ANKRA2: variants seen among roughly 807,000 people sequenced by gnomAD.
The protein encoded by ANKRA2 is ankyrin repeat family A member 2, also known as ankyrin repeat family A protein 2.
Under a neutral mutation model 37.8 loss-of-function variants are expected in ANKRA2, and 33 were observed. The ratio of observed to expected loss-of-function variants is 0.87; its 90% CI spans 0.66 to 1.17. ANKRA2 has a LOEUF of 1.17. ANKRA2 is among the 50% of genes most tolerant of loss of function. The probability of loss-of-function intolerance (pLI) is 0.00; values close to 1 mark genes in which losing one functional copy is unlikely to be tolerated. For missense variants in ANKRA2, 326 were observed against 373.7 expected, an observed-to-expected ratio of 0.87 and a Z score of 1.05; for synonymous variants, 126 against 132.3, an observed-to-expected ratio of 0.95 and a Z score of 0.33.
At chr5:73,564,262 T>A (rs1747647606) in intron 1 of ANKRA2, among the ~76,000 whole-genome samples, 1 of 152,234 alleles carries the variant, frequency 6.6e-6, no homozygotes, top group Non-Finnish European at 1.5e-5. Flanking sequence ...ATGTGAACTG[T>A]GTTTCCTGAG....
chr5:73,555,198 A>G, intron 5 of ANKRA2: 1 of 1,376,676 alleles, frequency 7.3e-7, no homozygotes, highest in East Asian at 2.6e-5. Flanking sequence ...TTATCCTTTC[A>G]CTCTGGAGTC....
Position 73,552,596 on chromosome 5 carries a change from T to C in ANKRA2, c.*201A>G. On this transcript the variant is annotated 3_prime_UTR_variant, in exon 9 of 9. Transcript: ENST00000296785. ...TGCCACGAAAACATTAATTTATAAT[T>C]TTAAATATACAGTAAAACATAGTTA... 1 of 465,160 alleles carries C rather than the reference T, an allele frequency of 2.1e-6. No individual in the cohort carries two copies. Among genetic ancestry groups the C allele is most frequent in the Non-Finnish European group, 3.7e-6 (1 of 266,964 alleles). The allele number at this position is 465,160 out of a possible 1,614,324, so 28.8% of individuals were successfully genotyped here. A position where few individuals can be genotyped will look rare whatever the true frequency, so the allele number is the denominator to read the frequency against.
chr5:73,553,521 G>A (rs747882933), intron 7 of ANKRA2, 35 bp from the exon 8 acceptor site: 2 of 1,515,824 alleles, frequency 1.3e-6, no homozygotes, highest in Non-Finnish European at 9.1e-7. Flanking sequence ...TAAATGAAAT[G>A]AAAATGCAGA....
At chr5:73,560,536 A>AT (rs1286120418) in intron 3 of ANKRA2, among the ~76,000 whole-genome samples, 3 of 151,472 alleles carry the variant, frequency 2.0e-5, no homozygotes, top group Non-Finnish European at 4.4e-5. Flanking sequence ...ATTTTTTGAA[A>AT]TTTTTTTATT....
chr5:73,562,798 TGGC>T lies in ANKRA2; in HGVS notation c.81_83del (p.Met27_Pro28delinsIle). The T allele has an allele frequency of 5.6e-6, 9 of 1,614,208 alleles. No homozygotes were observed. The highest frequency in any genetic ancestry group is 7.6e-6 in the Non-Finnish European group (9 of 1,180,030). On this transcript the variant is annotated inframe_deletion, in exon 2 of 9. Transcript: ENST00000296785. ...CCAGTGGATGTTCTATTTTAATGTCTGGCATGCCAGTTAGGCTATAAGTGCTGG... is the reference window on the plus strand; with the variant it reads ...CCAGTGGATGTTCTATTTTAATGTCTATGCCAGTTAGGCTATAAGTGCTGG...
intron 7 of ANKRA2, 146 bp from the exon 8 acceptor site, chr5:73,553,632 A>G: frequency 1.5e-6 from 1 of 649,166 alleles, no homozygotes; most frequent in South Asian, 2.0e-5. Context: ...TGCATGGGGT[A>G]CTTAGAATTT....
intron 3 of ANKRA2, among the ~76,000 whole-genome samples, chr5:73,559,302 G>A (rs1402697946): frequency 2.0e-5 from 3 of 152,084 alleles, no homozygotes; most frequent in Non-Finnish European, 2.9e-5. Flanking sequence ...CAAATACAGT[G>A]ACTAACAGAA....
chr5:73,559,486 T>C (rs935585595), intron 3 of ANKRA2, among the ~76,000 whole-genome samples: 1 of 152,178 alleles, frequency 6.6e-6, no homozygotes, highest in African/African-American at 2.4e-5. Context: ...TCATATTATA[T>C]TCAAATTCAA....
At chr5:73,559,211 A>ACT (rs901421999) in intron 3 of ANKRA2, among the ~76,000 whole-genome samples, 1 of 152,194 alleles carries the variant, frequency 6.6e-6, no homozygotes, top group Admixed American at 6.5e-5. Flanking sequence ...GTGACTCAGA[A>ACT]ATCAGGAGGG....
Position 73,565,531 on chromosome 5 carries a change from TAATA to T in ANKRA2, c.-508_-505del. 1 of 233,832 alleles carries T rather than the reference TAATA, an allele frequency of 4.3e-6. No individual in the cohort carries two copies. The allele number at this position is 233,832 out of a possible 1,614,324, so 14.5% of individuals were successfully genotyped here. A position where few individuals can be genotyped will look rare whatever the true frequency, so the allele number is the denominator to read the frequency against. On this transcript the variant is annotated 5_prime_UTR_variant, in exon 1 of 9. Coordinates refer to ENST00000296785, the MANE Select transcript of ANKRA2 (RefSeq NM_023039.5). ...TTTTTTGTCCCTCTCTCCTTTTTTTTAATATTTTTGTTTTTGCCGCCTTTACGCT... is the reference window on the plus strand; with the variant it reads ...TTTTTTGTCCCTCTCTCCTTTTTTTTTTTTTGTTTTTGCCGCCTTTACGCT...
chr5:73,562,846 C>G lies in ANKRA2; in HGVS notation c.36G>C (p.Gln12His). The change falls in exon 2 of 9, where the codon CAG becomes CAC. Residue 12 changes from glutamine (Q) to histidine (H), a missense_variant. By Grantham distance (24) the Gln-to-His change is conservative. This residue lies in a region of ANKRA2 where 93 missense variants were observed against 91.1 expected (regional missense o/e 1.02). Transcript: ENST00000296785. Reference protein sequence around the residue: ...DTSTNLDIGAQLIVEECPSTY... With the variant: ...DTSTNLDIGAHLIVEECPSTY... ...TGCTGGGACACTCTTCCACGATAAG[C>G]TGGGCTCCAATATCCAGATTTGTTG... The G allele has an allele frequency of 6.2e-7, 1 of 1,612,624 alleles. No homozygotes were observed. Among genetic ancestry groups the G allele is most frequent in the Non-Finnish European group, 8.5e-7 (1 of 1,178,846 alleles).
At chr5:73,561,574 T>C (rs190161622) in intron 2 of ANKRA2, among the ~76,000 whole-genome samples, 32 of 152,206 alleles carry the variant, frequency 2.1e-4, no homozygotes, top group East Asian at 9.7e-4. Context: ...AAGACCAGCC[T>C]GGCCAACATG....
intron 3 of ANKRA2, 113 bp from the exon 4 acceptor site, chr5:73,557,753 T>C (rs1470350374): frequency 5.9e-6 from 4 of 673,098 alleles, no homozygotes; most frequent in Non-Finnish European, 7.4e-6. Flanking sequence ...ACTACAATTT[T>C]ATTGTTTTAA....
In ANKRA2 at chr5:73,565,627, G is replaced by A. The variant is rs1183441692; in HGVS notation, c.-600C>T. 7 of 399,928 alleles carry A rather than the reference G, an allele frequency of 1.8e-5. No homozygotes were observed. The highest frequency in any genetic ancestry group is 9.2e-5 in the South Asian group (5 of 54,368). 24.8% of individuals were successfully genotyped at this position (399,928 alleles called of 1,614,324 possible). A position where few individuals can be genotyped will look rare whatever the true frequency, so the allele number is the denominator to read the frequency against. Reference sequence around the variant, plus strand: ...TTCAGTTGACGGTTCTGGGTCACCAGAGCAGAGGAAGCCCCAATTTCGCCC... The same window carrying A: ...TTCAGTTGACGGTTCTGGGTCACCAAAGCAGAGGAAGCCCCAATTTCGCCC... On this transcript the variant is annotated 5_prime_UTR_variant, in exon 1 of 9. Coordinates refer to ENST00000296785, the MANE Select transcript of ANKRA2 (RefSeq NM_023039.5).
chr5:73,557,515 C>T (rs953371895), intron 4 of ANKRA2, 60 bp downstream of exon 4: 5 of 1,073,336 alleles, frequency 4.7e-6, no homozygotes, highest in South Asian at 1.8e-5. Flanking sequence ...TAAAATAAAA[C>T]AATAACAAAT....
chr5:73,554,713 G>A (rs1424785045), intron 6 of ANKRA2, 148 bp downstream of exon 6: 16 of 931,322 alleles, frequency 1.7e-5, no homozygotes, highest in Admixed American at 6.1e-5. Flanking sequence ...CTATCCTCCC[G>A]CTTCAGCCTC....
Position 73,554,355 on chromosome 5 carries a change from C to T in ANKRA2, c.772G>A (p.Gly258Arg), listed in dbSNP as rs774685297. The change falls in exon 7 of 9, where the codon GGA (glycine) becomes AGA (arginine). Residue 258 changes from glycine (G) to arginine (R), a missense_variant. Coordinates refer to ENST00000296785, the MANE Select transcript of ANKRA2 (RefSeq NM_023039.5). Reference protein sequence around the residue: ...GGTPLLYAVHGNHVKCVKMLL... With the variant: ...GGTPLLYAVHRNHVKCVKMLL... ...ATCTTTACACATTTCACATGATTTC[C>T]ATGTACAGCATAAAGCAGAGGTGTT... 1 of 1,613,660 alleles carries T rather than the reference C, an allele frequency of 6.2e-7. No individual in the cohort carries two copies. Among genetic ancestry groups the T allele is most frequent in the South Asian group, 1.1e-5 (1 of 91,016 alleles).
chr5:73,561,441 C>A (rs1388546402), intron 2 of ANKRA2, 153 bp from the exon 3 acceptor site: 3 of 758,140 alleles, frequency 4.0e-6, no homozygotes, highest in Non-Finnish European at 6.1e-6. Flanking sequence ...AAAGTCCATA[C>A]TTCCTTGTTT....
Position 73,561,170 on chromosome 5 carries a change from G to C in ANKRA2, c.408C>G (p.His136Gln). 3.7e-6 allele frequency: 6 copies of C among 1,613,980 alleles called. No homozygotes were observed. The highest frequency in any genetic ancestry group is 5.1e-6 in the Non-Finnish European group (6 of 1,179,944). The change falls in exon 3 of 9, where the codon CAC (histidine) becomes CAG (glutamine). Residue 136 changes from histidine (H) to glutamine (Q), a missense_variant. By Grantham distance (24) the His-to-Gln change is conservative (BLOSUM62 0). Coordinates refer to ENST00000296785, the MANE Select transcript of ANKRA2 (RefSeq NM_023039.5). ...GTGTGGTAGAGACCTCATTTCCTCTGTGTTTGTTGGTTAAAGTGGTTGACT... is the reference window on the plus strand; with the variant it reads ...GTGTGGTAGAGACCTCATTTCCTCTCTGTTTGTTGGTTAAAGTGGTTGACT... ...IKQSTTLTNK[H>Q]RGNEVSTTPL...
Sources: allele counts gnomAD v4.1 joint callset (sites outside exome capture counted in the v4.1 genomes callset), GRCh38; gene constraint gnomAD v4.1.1; regional missense constraint gnomAD v4.1.1; transcripts MANE v1.5; gene names NCBI Gene and HGNC (gene_info 2026-07-23, HGNC 2026-07-21).